Variants in TEX15 observed in about 807,000 individuals in gnomAD.
TEX15 encodes testis expressed 15, meiosis and synapsis associated.
TEX15 carries 171 observed loss-of-function variants against 237.3 expected under a neutral mutation model. The observed-to-expected ratio is 0.72, with a 90% CI of 0.64 to 0.82. The LOEUF (loss-of-function observed/expected upper bound fraction) is 0.82, where lower values mean the gene tolerates loss of function less well. Ranked by LOEUF, TEX15 falls within the 40% of genes least tolerant of loss-of-function variation. TEX15 has a pLI of 0.00. For missense variants in TEX15, 3,750 were observed against 3,646.5 expected (o/e 1.03, Z -0.73); for synonymous variants, 1,338 against 1,269.8 (o/e 1.05, Z -1.14).
At chr8:30,860,675 T>C (rs1165038918) in intron 5 of TEX15, among the ~76,000 whole-genome samples, 1 of 151,154 alleles carries the variant, frequency 6.6e-6, no homozygotes, top group African/African-American at 2.4e-5. Context: ...ACGATTCTCC[T>C]GCCTCAGTCT....
At position 30,847,647 on chromosome 8, in the gene TEX15, G is replaced by C. The variant is rs753432247; in HGVS notation, c.2520C>G (p.Phe840Leu). The C allele has an allele frequency of 8.7e-6, 14 of 1,613,528 alleles. No homozygotes were observed. The highest frequency in any genetic ancestry group is 1.2e-5 in the Non-Finnish European group (14 of 1,179,860). Residue 840 changes from phenylalanine (F) to leucine (L), a missense_variant, in exon 8 of 11, where the codon TTC (phenylalanine) becomes TTG (leucine). Transcript: ENST00000643185. The stretch of plus-strand genomic sequence containing the variant: ...TATCATTGCTTAACTGTGAATTACA[G>C]AACAGATTGTGATCCTGACCCCTAT... The part of the protein sequence containing the change: ...VEDRGQDHNL[F>L]CNSQLSNDIW...
At chr8:30,891,582 C>A (rs904625815) in intron 2 of TEX15, among the ~76,000 whole-genome samples, 46 of 151,760 alleles carry the variant, frequency 3.0e-4, no homozygotes, top group African/African-American at 1.1e-3. Context: ...TGGGTTCAAG[C>A]GATTCTCCTG....
At chr8:30,884,118 T>C (rs901839464) in intron 3 of TEX15, among the ~76,000 whole-genome samples, 5 of 152,350 alleles carry the variant, frequency 3.3e-5, no homozygotes, top group African/African-American at 7.2e-5. Context: ...CCTCAGGGCA[T>C]GAGCCACAGT....
Position 30,844,397 on chromosome 8 carries a change from T to G in TEX15, c.5770A>C (p.Lys1924Gln). The G allele has an allele frequency of 6.2e-7, 1 of 1,610,508 alleles. No individual in the cohort carries two copies. Among genetic ancestry groups the G allele is most frequent in the Non-Finnish European group, 8.5e-7 (1 of 1,178,678 alleles). The change falls in exon 8 of 11, where the codon AAG becomes CAG. Residue 1924 changes from lysine (K) to glutamine (Q), a missense_variant. By Grantham distance (53) the Lys-to-Gln change is moderately conservative. Coordinates refer to ENST00000643185, the MANE Select transcript of TEX15 (RefSeq NM_001350162.2). Reference sequence around the variant, plus strand: ...TTACTAACTTTAATTTCCCCCTTCTTCTCTCTTTTGTTAAGCGGATTAGAA... The same window carrying G: ...TTACTAACTTTAATTTCCCCCTTCTGCTCTCTTTTGTTAAGCGGATTAGAA... ...TVSNPLNKREKKGEIKVSKDS... is the reference protein window; with the variant it reads ...TVSNPLNKREQKGEIKVSKDS...
At position 30,833,278 on chromosome 8, in the gene TEX15, G is replaced by A. The variant is rs931327980; in HGVS notation, c.*8C>T. On this transcript the variant is annotated 3_prime_UTR_variant, in exon 11 of 11. Transcript: ENST00000643185. ...TTATGTCTTATTTCAATAGACAGAA[G>A]ACTATTTTCAGTGTCCTGGATGAAA... The A allele has an allele frequency of 1.9e-6, 3 of 1,577,240 alleles. No homozygotes were observed. The highest frequency in any genetic ancestry group is 2.4e-5 in the South Asian group (2 of 84,582).
chr8:30,844,161 T>C lies in TEX15; in HGVS notation c.6006A>G (p.Gln2002=). The C allele has an allele frequency of 6.2e-7, 1 of 1,613,038 alleles. No individual in the cohort carries two copies. Among genetic ancestry groups the C allele is most frequent in the Non-Finnish European group, 8.5e-7 (1 of 1,179,506 alleles). The change falls in exon 8 of 11, where the codon CAA becomes CAG. Residue 2002 remains glutamine, a synonymous_variant. Coordinates refer to ENST00000643185, the MANE Select transcript of TEX15 (RefSeq NM_001350162.2). ...ATGCTTCATCTGCCCTCTGCAAAAT[T>C]TGAGATAGATTAGCTATAAGGGCCG... ...NHTALIANLS[Q]ILQRADEASS...
chr8:30,873,598 T>A (rs1225378700), intron 4 of TEX15, among the ~76,000 whole-genome samples: 1 of 152,132 alleles, frequency 6.6e-6, no homozygotes, highest in Admixed American at 6.6e-5. Flanking sequence ...TATTTTAGAA[T>A]CTCTTACCTA....
At chr8:30,833,762 C>A (rs1807233754) in intron 10 of TEX15, among the ~76,000 whole-genome samples, 1 of 152,124 alleles carries the variant, frequency 6.6e-6, no homozygotes. Context: ...CATGATAACT[C>A]AAAGATGTGC....
chr8:30,888,762 A>G, intron 2 of TEX15: 1 of 796,324 alleles, frequency 1.3e-6, no homozygotes, highest in African/African-American at 1.8e-5. Flanking sequence ...GGTTCTAAGA[A>G]GGTTCACAAG....
At chr8:30,898,653 A>T (rs1808952232) in intron 2 of TEX15, 89 bp downstream of exon 2, 1 of 152,190 alleles carries the variant, frequency 6.6e-6, no homozygotes, top group African/African-American at 2.4e-5. Flanking sequence ...TTTATTGCCG[A>T]ATTATTTATA....
chr8:30,844,410 A>G lies in TEX15; in HGVS notation c.5757T>C (p.Leu1919=), dbSNP rs1336061953. 1.2e-6 allele frequency: 2 copies of G among 1,611,010 alleles called. No homozygotes were observed. Among genetic ancestry groups the G allele is most frequent in the African/African-American group, 2.7e-5 (2 of 74,716 alleles). Residue 1919 remains leucine (L), a synonymous_variant, in exon 8 of 11, where the codon CTT becomes CTC. Coordinates refer to ENST00000643185, the MANE Select transcript of TEX15 (RefSeq NM_001350162.2). ...TTTCCCCCTTCTTCTCTCTTTTGTT[A>G]AGCGGATTAGAAACTGTGTTCTTCA... ...VPLKNTVSNP[L]NKREKKGEIK...
Position 30,846,443 on chromosome 8 carries a change from C to A in TEX15, c.3724G>T (p.Asp1242Tyr). 6.2e-7 allele frequency: 1 copy of A among 1,613,276 alleles called. No homozygotes were observed. The highest frequency in any genetic ancestry group is 2.2e-5 in the East Asian group (1 of 44,864). ...TTCACATCTGTATTACGACTCAAGT[C>A]AAAAGAAAGGGAGATTTCAGAGTTA... Reference protein sequence around the residue: ...VSNSEISLSFDLSRNTDVNHT... With the variant: ...VSNSEISLSFYLSRNTDVNHT... The change falls in exon 8 of 11, where the codon GAC becomes TAC. Residue 1242 changes from aspartate (D) to tyrosine (Y), a missense_variant. By Grantham distance (160) the Asp-to-Tyr change is radical. Coordinates refer to ENST00000643185, the MANE Select transcript of TEX15 (RefSeq NM_001350162.2).
rs780644961 is a variant in TEX15, at chr8:30,836,867, T to TAATGGCTGATGA, written c.9405_9416dup (p.Pro3138_Leu3139insPheHisGlnPro). 7.4e-6 allele frequency: 12 copies of TAATGGCTGATGA among 1,614,040 alleles called. No individual in the cohort carries two copies. The highest frequency in any genetic ancestry group is 9.3e-6 in the Non-Finnish European group (11 of 1,180,012). ...GAAGGTAAGGGTATGTAGCTTGTGGTAATGGCTGATGAGAAGCATATTGTG... is the reference window on the plus strand; with the variant it reads ...GAAGGTAAGGGTATGTAGCTTGTGGTAATGGCTGATGAAATGGCTGATGAGAAGCATATTGTG... On this transcript the variant is annotated inframe_insertion, in exon 10 of 11. Transcript: ENST00000643185.
Position 30,845,120 on chromosome 8 carries a change from T to G in TEX15, c.5047A>C (p.Lys1683Gln). 6.2e-7 allele frequency: 1 copy of G among 1,613,474 alleles called. No individual in the cohort carries two copies. Among genetic ancestry groups the G allele is most frequent in the Non-Finnish European group, 8.5e-7 (1 of 1,179,488 alleles). ...GGTCTCTCAATAGGATCTGTCCACT[T>G]TACTTCCAGGTTTCTTTTACAATCA... ...LSDCKRNLEVKWTDPIERPKQ... is the reference protein window; with the variant it reads ...LSDCKRNLEVQWTDPIERPKQ... The change falls in exon 8 of 11, where the codon AAG becomes CAG. Residue 1683 changes from lysine to glutamine, a missense_variant. By Grantham distance (53) the Lys-to-Gln change is moderately conservative. Coordinates refer to ENST00000643185, the MANE Select transcript of TEX15 (RefSeq NM_001350162.2).
chr8:30,912,357 G>A (rs1345040787), intron 1 of TEX15, among the ~76,000 whole-genome samples: 2 of 66,978 alleles, frequency 3.0e-5, no homozygotes, highest in East Asian at 9.5e-4. Flanking sequence ...CCGCCCCCGC[G>A]GATATCCCCA....
At chr8:30,838,108 T>C (rs780719651) in intron 9 of TEX15, 47 bp from the exon 10 acceptor site, 88 of 1,453,142 alleles carry the variant, frequency 6.1e-5, no homozygotes, top group Non-Finnish European at 7.9e-5. Context: ...ATATATAGGG[T>C]CATAAAATTT....
chr8:30,848,141 C>A lies in TEX15; in HGVS notation c.2026G>T (p.Gly676Trp). ...YKESESHNSF[G>W]KSCDKILITQ... is the part of the protein sequence containing the mutation. ...ATTAATATTTTATCACAGCTTTTCCCAAAAGAATTATGACTCTCACTCTCT... is the reference window on the plus strand; with the variant it reads ...ATTAATATTTTATCACAGCTTTTCCAAAAAGAATTATGACTCTCACTCTCT... The change falls in exon 8 of 11, where the codon GGG becomes TGG. Residue 676 changes from glycine to tryptophan, a missense_variant. By Grantham distance (184) the Gly-to-Trp change is radical (BLOSUM62 -2). Coordinates refer to ENST00000643185, the MANE Select transcript of TEX15 (RefSeq NM_001350162.2). 3 of 1,608,844 alleles carry A rather than the reference C, an allele frequency of 1.9e-6. No individual in the cohort carries two copies. Among genetic ancestry groups the A allele is most frequent in the African/African-American group, 1.3e-5 (1 of 74,732 alleles).
chr8:30,895,248 C>T (rs911111070), intron 2 of TEX15, among the ~76,000 whole-genome samples: 25 of 142,280 alleles, frequency 1.8e-4, no homozygotes, highest in African/African-American at 5.5e-4. Context: ...CAGTGAGCCA[C>T]GATTGCACCA....
chr8:30,866,741 A>ACACG (rs1425846530), intron 5 of TEX15, among the ~76,000 whole-genome samples: 1 of 151,866 alleles, frequency 6.6e-6, no homozygotes, highest in Non-Finnish European at 1.5e-5. Flanking sequence ...ACACACACAC[A>ACACG]CACGCATGCA....
Sources: gnomAD v4.1 joint callset for allele counts (sites outside exome capture counted in the v4.1 genomes callset) on GRCh38, gnomAD v4.1.1 for gene constraint, MANE v1.5 for transcripts, NCBI Gene and HGNC (gene_info 2026-07-23, HGNC 2026-07-21) for gene names.